ESR1: variants seen among roughly 807,000 people sequenced by gnomAD.
ESR1 encodes the protein estrogen receptor.
Under a neutral mutation model 52.7 loss-of-function variants are expected in ESR1, and 12 were observed. The observed-to-expected ratio is 0.23, with a 90% CI of 0.15 to 0.37. The LOEUF (loss-of-function observed/expected upper bound fraction) is 0.37. Among genes scored for constraint, ESR1 ranks in the 10% least tolerant of loss-of-function variants. ESR1 has a pLI of 1.00. For synonymous variants in ESR1, 305 were observed against 316.8 expected, an observed-to-expected ratio of 0.96 and a Z score of 0.39; for missense variants, 584 against 779.7, an observed-to-expected ratio of 0.75 and a Z score of 2.99.
chr6:151,966,541 A>T (rs535634689), intron 4 of ESR1, among the ~76,000 whole-genome samples: 150 of 151,794 alleles, frequency 9.9e-4, no homozygotes, highest in Non-Finnish European at 1.6e-3. Context: ...CATGTCTTTC[A>T]GATTATCCTA....
intron 6 of ESR1, among the ~76,000 whole-genome samples, chr6:152,080,086 A>C: frequency 1.3e-5 from 2 of 152,222 alleles, no homozygotes; most frequent in East Asian, 3.8e-4. Context: ...ATTATCCAGG[A>C]CAACTTCCCC....
chr6:151,748,731 A>T (rs1280477533), intron 2 of ESR1, among the ~76,000 whole-genome samples: 4 of 152,166 alleles, frequency 2.6e-5, no homozygotes, highest in African/African-American at 9.7e-5. Context: ...ATAGTTCAGT[A>T]AAAGTTGATT....
intron 4 of ESR1, among the ~76,000 whole-genome samples, chr6:151,983,258 G>A (rs1323508931): frequency 1.3e-5 from 2 of 152,254 alleles, no homozygotes; most frequent in East Asian, 3.9e-4. Flanking sequence ...ACCACGTAGA[G>A]AGGAGGAGGG....
At chr6:152,007,192 G>A (rs1037064825) in intron 4 of ESR1, among the ~76,000 whole-genome samples, 3 of 152,100 alleles carry the variant, frequency 2.0e-5, no homozygotes, top group African/African-American at 4.8e-5. Context: ...GTGTACCAAC[G>A]CAAATTAGGC....
chr6:152,006,500 G>T lies in ESR1; in HGVS notation c.1097-5156G>T, dbSNP rs141565386. On this transcript the variant is annotated intron_variant, in intron 4 of 7. Coordinates refer to ENST00000206249, the MANE Select transcript of ESR1 (RefSeq NM_000125.4). ...GAGAATAAATCGCAAAATATGGGAC[G>T]TGAAGACTGCTTGGTATTTACACAG... 1.3e-3 allele frequency among the ~76,000 whole-genome samples: 203 copies of T among 152,040 alleles called. 2 individuals carry two copies. Among genetic ancestry groups the T allele is most frequent in the African/African-American group, 4.7e-3 (196 of 41,488 alleles).
chr6:152,105,628 G>T (rs9479224), downstream of ESR1, among the ~76,000 whole-genome samples: 3 of 151,476 alleles, frequency 2.0e-5, no homozygotes, highest in African/African-American at 4.8e-5. Flanking sequence ...GTTTCACCAT[G>T]TTGGGAAGGC....
chr6:151,661,972 C>A (rs1057338494), intron 1 of ESR1, among the ~76,000 whole-genome samples: 14 of 152,322 alleles, frequency 9.2e-5, no homozygotes, highest in African/African-American at 3.1e-4. Flanking sequence ...GTCTCAGGCA[C>A]CTAAACCAAT....
chr6:151,900,156 C>G (rs1796461809), intron 3 of ESR1, among the ~76,000 whole-genome samples: 2 of 152,152 alleles, frequency 1.3e-5, no homozygotes, highest in Admixed American at 6.5e-5. Flanking sequence ...TTTTCTTTGT[C>G]TTTGTTGGAT....
chr6:151,893,045 G>T (rs1470492843), intron 3 of ESR1, among the ~76,000 whole-genome samples: 3 of 152,202 alleles, frequency 2.0e-5, no homozygotes, highest in African/African-American at 4.8e-5. Context: ...AAAAAAATTA[G>T]CCGGGCATGG....
chr6:151,937,420 A>C (rs2034495619), intron 3 of ESR1, among the ~76,000 whole-genome samples: 1 of 152,142 alleles, frequency 6.6e-6, no homozygotes, highest in South Asian at 2.1e-4. Flanking sequence ...GAAGATAGAC[A>C]AGATCAGTTA....
At chr6:151,859,285 TAG>T (rs1240289624) in intron 2 of ESR1, among the ~76,000 whole-genome samples, 1 of 152,234 alleles carries the variant, frequency 6.6e-6, no homozygotes, top group African/African-American at 2.4e-5. Flanking sequence ...TTACAAATTA[TAG>T]ATCAAATTTT....
At chr6:152,056,051 A>T (rs1585035594) in intron 5 of ESR1, among the ~76,000 whole-genome samples, 1 of 152,212 alleles carries the variant, frequency 6.6e-6, no homozygotes, top group East Asian at 1.9e-4. Context: ...AAATGGTGGC[A>T]TCAAGATTTG....
At chr6:151,763,989 G>T (rs552364029) in intron 2 of ESR1, among the ~76,000 whole-genome samples, 4 of 152,266 alleles carry the variant, frequency 2.6e-5, no homozygotes, top group African/African-American at 7.2e-5. Context: ...GGCCCTGTGG[G>T]TAAAGGGAAG....
chr6:151,897,677 AAT>A (rs1022618847), intron 3 of ESR1, among the ~76,000 whole-genome samples: 1 of 152,142 alleles, frequency 6.6e-6, no homozygotes, highest in African/African-American at 2.4e-5. Flanking sequence ...AGGCTATTTA[AAT>A]TCAATGTTAG....
At chr6:151,710,283 G>A (rs1299267375) in intron 2 of ESR1, among the ~76,000 whole-genome samples, 1 of 147,934 alleles carries the variant, frequency 6.8e-6, no homozygotes, top group African/African-American at 2.5e-5. Context: ...TTTTTTTTCA[G>A]TCCAAATAGG....
At chr6:151,936,604 G>A (rs2034386596) in intron 3 of ESR1, among the ~76,000 whole-genome samples, 1 of 152,252 alleles carries the variant, frequency 6.6e-6, no homozygotes, top group South Asian at 2.1e-4. Context: ...TCTGGCCAAG[G>A]TGGAATAATA....
At chr6:151,698,040 TGA>T (rs1779493088) in intron 1 of ESR1, among the ~76,000 whole-genome samples, 1 of 151,222 alleles carries the variant, frequency 6.6e-6, no homozygotes, top group African/African-American at 2.4e-5. Flanking sequence ...GAGGTTGCAG[TGA>T]GCCAATATTG....
intron 2 of ESR1, among the ~76,000 whole-genome samples, chr6:151,859,462 A>G (rs1179764689): frequency 5.9e-5 from 9 of 152,180 alleles, no homozygotes; most frequent in Non-Finnish European, 1.3e-4. Context: ...ATGGATTTCA[A>G]TGGAAGGTTT....
intron 2 of ESR1, among the ~76,000 whole-genome samples, chr6:151,720,053 C>T (rs948066883): frequency 2.0e-5 from 3 of 152,128 alleles, no homozygotes; most frequent in African/African-American, 7.2e-5. Flanking sequence ...AAAGAAAGGG[C>T]AGAGTGTTAT....
Sources: gnomAD v4.1 joint callset for allele counts (sites outside exome capture counted in the v4.1 genomes callset) on GRCh38, gnomAD v4.1.1 for gene constraint, MANE v1.5 for transcripts, NCBI Gene and HGNC (gene_info 2026-07-23, HGNC 2026-07-21) for gene names.